Variants in EBF2 observed in about 807,000 individuals in gnomAD.
EBF2 encodes EBF transcription factor 2.
In EBF2, 21 loss-of-function variants were observed where a neutral mutation model predicts 72.8. The observed-to-expected ratio is 0.29, with a 90% CI of 0.20 to 0.42. The LOEUF (loss-of-function observed/expected upper bound fraction) is 0.42, where lower values mean the gene tolerates loss of function less well. EBF2 is among the 10% of genes least tolerant of loss of function. The pLI is 1.00. For missense variants in EBF2, 637 were observed against 731.2 expected (o/e 0.87, Z 1.49); for synonymous variants, 299 against 274.2 (o/e 1.09, Z -0.89).
chr8:25,850,361 G>A (rs1237089037), intron 15 of EBF2, among the ~76,000 whole-genome samples: 2 of 152,168 alleles, frequency 1.3e-5, no homozygotes, highest in Non-Finnish European at 2.9e-5. Context: ...TGATCCACCT[G>A]CCTTGGCCTC....
intron 6 of EBF2, among the ~76,000 whole-genome samples, chr8:25,944,591 TAC>T (rs1222909322): frequency 5.4e-5 from 8 of 148,500 alleles, no homozygotes; most frequent in South Asian, 2.1e-4. Context: ...ACAATATTAA[TAC>T]AGTCTATAAA....
At chr8:25,881,984 G>A (rs1241331944) in intron 10 of EBF2, among the ~76,000 whole-genome samples, 1 of 152,092 alleles carries the variant, frequency 6.6e-6, no homozygotes, top group Non-Finnish European at 1.5e-5. Context: ...ATAAAACCTT[G>A]CACTCATTCT....
chr8:26,043,544 T>C (rs1289678614), intron 1 of EBF2, among the ~76,000 whole-genome samples: 1 of 152,182 alleles, frequency 6.6e-6, no homozygotes, highest in Non-Finnish European at 1.5e-5. Flanking sequence ...GCCGCCGCGC[T>C]GTGCGGTCTG....
At chr8:26,023,150 C>A (rs558945850) in intron 6 of EBF2, among the ~76,000 whole-genome samples, 90 of 152,224 alleles carry the variant, frequency 5.9e-4, no homozygotes, top group African/African-American at 2.1e-3. Flanking sequence ...CCTGTTCACT[C>A]CAATAGAAGA....
intron 3 of EBF2, 90 bp from the exon 4 acceptor site, chr8:26,040,761 C>A (rs1805586269): frequency 2.0e-6 from 3 of 1,505,626 alleles, no homozygotes; most frequent in African/African-American, 1.4e-5. Flanking sequence ...GAGGCCCAAG[C>A]AGCCTCTCCA....
intron 6 of EBF2, among the ~76,000 whole-genome samples, chr8:25,967,003 G>C (rs1427984194): frequency 6.6e-6 from 1 of 152,164 alleles, no homozygotes; most frequent in Non-Finnish European, 1.5e-5. Context: ...AAGTAACCCT[G>C]GAAAAGCTGC....
chr8:25,921,526 T>C (rs1190193091), intron 6 of EBF2, among the ~76,000 whole-genome samples: 1 of 152,204 alleles, frequency 6.6e-6, no homozygotes. Flanking sequence ...GAATCAGTTA[T>C]TTGTTCTTTT....
At chr8:25,851,974 T>G (rs1269495410) in intron 14 of EBF2, among the ~76,000 whole-genome samples, 1 of 152,222 alleles carries the variant, frequency 6.6e-6, no homozygotes, top group East Asian at 1.9e-4. Flanking sequence ...TATAGCATAC[T>G]TCCCATATGA....
chr8:25,899,331 G>T (rs1002190639), intron 7 of EBF2, among the ~76,000 whole-genome samples: 1 of 151,296 alleles, frequency 6.6e-6, no homozygotes, highest in Non-Finnish European at 1.5e-5. Context: ...GGACTCACCT[G>T]CTGATCAGAG....
chr8:25,985,716 G>C (rs1008973687), intron 6 of EBF2, among the ~76,000 whole-genome samples: 13 of 152,226 alleles, frequency 8.5e-5, no homozygotes, highest in Admixed American at 3.9e-4. Context: ...GCAAGGAAGT[G>C]AGGCCAGACA....
chr8:25,899,958 G>A (rs528137513), intron 7 of EBF2, among the ~76,000 whole-genome samples: 28 of 152,188 alleles, frequency 1.8e-4, no homozygotes, highest in South Asian at 1.0e-3. Context: ...CCCACACCGG[G>A]CGCTTCTTCT....
chr8:25,934,931 C>T (rs1803550071), intron 6 of EBF2, among the ~76,000 whole-genome samples: 2 of 152,172 alleles, frequency 1.3e-5, no homozygotes, highest in South Asian at 2.1e-4. Flanking sequence ...TCAGGGACTG[C>T]GAACTGCCGC....
At chr8:26,029,562 C>T (rs967114277) in intron 6 of EBF2, among the ~76,000 whole-genome samples, 3 of 152,176 alleles carry the variant, frequency 2.0e-5, no homozygotes, top group Non-Finnish European at 4.4e-5. Flanking sequence ...CTCCCTGGAA[C>T]ATGCACATTT....
chr8:26,040,131 G>A (rs767293691), intron 4 of EBF2, 30 bp from the exon 5 acceptor site: 8 of 1,608,910 alleles, frequency 5.0e-6, no homozygotes, highest in Admixed American at 1.7e-5. Flanking sequence ...AGGAAAGGAA[G>A]ATGTGGAGAG....
intron 6 of EBF2, among the ~76,000 whole-genome samples, chr8:25,921,757 T>C (rs1585196231): frequency 6.6e-6 from 1 of 152,230 alleles, no homozygotes; most frequent in East Asian, 1.9e-4. Flanking sequence ...TAATTTTTAC[T>C]TTGCTCCTAA....
chr8:26,041,311 C>T (rs959745977), intron 2 of EBF2: 3 of 435,026 alleles, frequency 6.9e-6, no homozygotes, highest in Admixed American at 7.2e-5. Context: ...AAACAGGCAC[C>T]ACCCAACCCA....
rs189425347 is a variant in EBF2 at position 25,868,896 on chromosome 8, T to C, written c.1010-6099A>G. ...TAAGGAATTTTGCTTGCCTTCTATC[T>C]TCCCACCTCTTTCTCTCCACTTATA... On this transcript the variant is annotated intron_variant, in intron 10 of 15. Coordinates refer to ENST00000520164, the MANE Select transcript of EBF2 (RefSeq NM_022659.4). Among the ~76,000 whole-genome samples the C allele has an allele frequency of 5.7e-3, 872 of 152,324 alleles. 9 individuals are homozygous for C. Among genetic ancestry groups the C allele is most frequent in the African/African-American group, 0.019 (809 of 41,568 alleles).
intron 15 of EBF2, among the ~76,000 whole-genome samples, chr8:25,849,756 G>C (rs1801921490): frequency 6.6e-6 from 1 of 152,118 alleles, no homozygotes; most frequent in Non-Finnish European, 1.5e-5. Flanking sequence ...AAATGGGTTT[G>C]ATGGATAACT....
intron 11 of EBF2, among the ~76,000 whole-genome samples, chr8:25,862,299 T>G (rs1802225275): frequency 6.6e-6 from 1 of 152,216 alleles, no homozygotes; most frequent in Admixed American, 6.5e-5. Flanking sequence ...ATTTTTCTCC[T>G]CATTAGATAC....
Sources: allele counts gnomAD v4.1 joint callset (sites outside exome capture counted in the v4.1 genomes callset), GRCh38; gene constraint gnomAD v4.1.1; transcripts MANE v1.5; gene names NCBI Gene and HGNC (gene_info 2026-07-23, HGNC 2026-07-21).